PRDM10: variants seen among roughly 807,000 people sequenced by gnomAD.
PRDM10 encodes PR domain zinc finger protein 10.
A neutral mutation model predicts 133.1 loss-of-function variants in PRDM10; 65 were observed. That is an observed-to-expected ratio of 0.49 (90% CI 0.40 to 0.60). The LOEUF (loss-of-function observed/expected upper bound fraction) is 0.60, where lower values mean the gene tolerates loss of function less well. Ranked by LOEUF, PRDM10 falls within the 20% of genes least tolerant of loss-of-function variation. The pLI, the probability that PRDM10 is intolerant of heterozygous loss-of-function variation, is 0.00. For synonymous variants in PRDM10, 582 were observed against 580.4 expected, an observed-to-expected ratio of 1.00 and a Z score of -0.04; for missense variants, 1,137 against 1,507.1, an observed-to-expected ratio of 0.75 and a Z score of 4.07.
intron 1 of PRDM10, among the ~76,000 whole-genome samples, chr11:129,965,794 A>G (rs1951895767): frequency 6.6e-6 from 1 of 152,022 alleles, no homozygotes; most frequent in African/African-American, 2.4e-5. Context: ...TGCAGCTTCT[A>G]GTCTAGTTGT....
intron 11 of PRDM10, chr11:129,929,510 A>T: frequency 8.5e-7 from 1 of 1,181,528 alleles, no homozygotes. Context: ...ACCAATCTGG[A>T]TAGAAAAGAT....
At chr11:129,910,068 G>A (rs1439468781) in intron 19 of PRDM10, among the ~76,000 whole-genome samples, 1 of 152,222 alleles carries the variant, frequency 6.6e-6, no homozygotes, top group East Asian at 1.9e-4. Flanking sequence ...AGAGCTTAAT[G>A]AAAGCTGGTT....
intron 19 of PRDM10, 120 bp from the exon 20 acceptor site, chr11:129,905,861 T>C (rs1950000539): frequency 1.2e-6 from 1 of 818,436 alleles, no homozygotes; most frequent in South Asian, 1.5e-5. Flanking sequence ...AGTCTCACAA[T>C]GATGTGATTT....
Position 129,963,382 on chromosome 11 carries a change from GAGAGAAGAGAAGAGA to G in PRDM10, c.-118-2315_-118-2301del, listed in dbSNP as rs200446357. Among the ~76,000 whole-genome samples the G allele has an allele frequency of 2.0e-3, 150 of 74,638 alleles. 2 individuals carry two copies. Among genetic ancestry groups the G allele is most frequent in the South Asian group, 0.017 (34 of 2,012 alleles). 49.0% of individuals were successfully genotyped at this position (74,638 alleles called of 152,430 possible). On this transcript the variant is annotated intron_variant, in intron 1 of 20. Transcript: ENST00000360871. ...AGAGAGACCCTGCTGAAAGAAAAAA[GAGAGAAGAGAAGAGA>G]AGAGAAGAGAAGAGAAGAGAAGAGA...
chr11:129,965,109 T>C (rs1298428926), intron 1 of PRDM10, among the ~76,000 whole-genome samples: 1 of 152,108 alleles, frequency 6.6e-6, no homozygotes, highest in Non-Finnish European at 1.5e-5. Flanking sequence ...CCTGAGGATT[T>C]GTCAGCAAGT....
At chr11:129,946,591 G>A (rs972263966) in intron 5 of PRDM10, among the ~76,000 whole-genome samples, 9 of 152,170 alleles carry the variant, frequency 5.9e-5, no homozygotes, top group African/African-American at 1.4e-4. Context: ...GGGCGCTGCC[G>A]AGGGGCCAGA....
rs1937731744 is a variant in PRDM10, at chr11:129,975,880, T to G, written c.-118-14798A>C. On this transcript the variant is annotated intron_variant, in intron 1 of 20. Transcript: ENST00000360871. ...CAATCAATAGCAGTGACTGCTGTTA[T>G]TGCCAGTGTGCTATCAAACCCCAGT... Among the ~76,000 whole-genome samples, 6 of 152,240 alleles carry G rather than the reference T, an allele frequency of 3.9e-5. No individual in the cohort carries two copies. The South Asian group carries it at 1.2e-3, about 32-fold the overall frequency.
intron 18 of PRDM10, among the ~76,000 whole-genome samples, chr11:129,911,446 G>A (rs1240085478): frequency 6.6e-6 from 1 of 152,206 alleles, no homozygotes; most frequent in African/African-American, 2.4e-5. Context: ...GCGCTCTCCA[G>A]CCTGCCACAC....
rs1485041842 is a variant in PRDM10 at position 129,932,125 on chromosome 11, C to T, written c.1264G>A (p.Glu422Lys). ...ACCTGTGTCCCATCGTCACTCTTTTCCCCATTTTCGCTGGTGATTTCCAGG... is the reference window on the plus strand; with the variant it reads ...ACCTGTGTCCCATCGTCACTCTTTTTCCCATTTTCGCTGGTGATTTCCAGG... ...IRLEITSENG[E>K]KSDDGTQDLL... Residue 422 changes from glutamate to lysine, a missense_variant, in exon 10 of 21, where the codon GAA (glutamate) becomes AAA (lysine). This residue lies in a region of PRDM10 where 635 missense variants were observed against 835.2 expected (regional missense o/e 0.76). Coordinates refer to ENST00000360871, the MANE Select transcript of PRDM10 (RefSeq NM_199437.2). 1 of 1,614,100 alleles carries T rather than the reference C, an allele frequency of 6.2e-7. No individual in the cohort carries two copies. The highest frequency in any genetic ancestry group is 1.7e-5 in the Admixed American group (1 of 60,004).
At chr11:129,908,556 G>A (rs1327683498) in intron 19 of PRDM10, among the ~76,000 whole-genome samples, 1 of 152,222 alleles carries the variant, frequency 6.6e-6, no homozygotes, top group Non-Finnish European at 1.5e-5. Flanking sequence ...TGGAGGATGG[G>A]AGATCATGAT....
rs150057736 is a variant in PRDM10 at position 129,997,494 on chromosome 11, G to GA, written c.-119+5227dup. ...GGGCCTTTCTCAAAAAACAGAAAAG[G>GA]AAAAAAAAAAGACAGTTCTTTCACG... On this transcript the variant is annotated intron_variant, in intron 1 of 20. Coordinates refer to ENST00000360871, the MANE Select transcript of PRDM10 (RefSeq NM_199437.2). Among the ~76,000 whole-genome samples the GA allele has an allele frequency of 6.0e-3, 854 of 142,706 alleles. 8 individuals are homozygous for GA. The highest frequency in any genetic ancestry group is 0.022 in the African/African-American group (792 of 35,810). 93.6% of individuals were successfully genotyped at this position (142,706 alleles called of 152,430 possible). A position where few individuals can be genotyped will look rare whatever the true frequency, so the allele number is the denominator to read the frequency against.
chr11:129,920,887 T>C (rs111988713), intron 13 of PRDM10, among the ~76,000 whole-genome samples: 12,993 of 151,960 alleles, frequency 0.086, 601 homozygotes, highest in Admixed American at 0.13. Flanking sequence ...AACCTCCGCC[T>C]CCCGGGTTCA....
At chr11:129,940,609 T>C (rs527297563) in intron 7 of PRDM10, among the ~76,000 whole-genome samples, 29 of 152,340 alleles carry the variant, frequency 1.9e-4, no homozygotes, top group African/African-American at 7.0e-4. Context: ...ATGTGCAGAT[T>C]TGTTACATAG....
At chr11:129,981,907 T>C (rs776845499) in intron 1 of PRDM10, among the ~76,000 whole-genome samples, 1 of 151,712 alleles carries the variant, frequency 6.6e-6, no homozygotes, top group African/African-American at 2.4e-5. Flanking sequence ...AAAAAAAGTA[T>C]AATAAATAAA....
intron 1 of PRDM10, among the ~76,000 whole-genome samples, chr11:129,977,955 C>G (rs537571354): frequency 7.9e-5 from 11 of 139,406 alleles, no homozygotes; most frequent in Non-Finnish European, 1.3e-4. Flanking sequence ...AGTGAGAGAC[C>G]CTGTCTTTAA....
intron 11 of PRDM10, 90 bp from the exon 12 acceptor site, chr11:129,925,319 T>G: frequency 1.6e-6 from 2 of 1,228,028 alleles, no homozygotes; most frequent in Non-Finnish European, 2.2e-6. Context: ...GGATGATCTC[T>G]GCAATCACAG....
chr11:129,947,393 G>C lies in PRDM10; in HGVS notation c.295-23C>G, dbSNP rs778845242. 4 of 1,613,738 alleles carry C rather than the reference G, an allele frequency of 2.5e-6. No individual in the cohort carries two copies. The highest frequency in any genetic ancestry group is 3.4e-6 in the Non-Finnish European group (4 of 1,179,752). ...GGCCTGGGCAAAAGTTGAAGGCACA[G>C]AGTAAGCAGACATGGACACCTGCTT... On this transcript the variant is annotated intron_variant, in intron 4 of 20. Coordinates refer to ENST00000360871, the MANE Select transcript of PRDM10 (RefSeq NM_199437.2). This position sits in a 1 kb window ranked among gnomAD's most constrained non-coding sequence, Gnocchi z 4.6.
chr11:129,909,316 G>A (rs897661389), intron 19 of PRDM10, among the ~76,000 whole-genome samples: 1 of 151,840 alleles, frequency 6.6e-6, no homozygotes, highest in Non-Finnish European at 1.5e-5. Flanking sequence ...TGGGCGTGGT[G>A]GCGGGTGCCT....
Position 129,907,974 on chromosome 11 carries a change from G to C in PRDM10, c.3164-2233C>G, listed in dbSNP as rs561600448. 4.6e-5 allele frequency among the ~76,000 whole-genome samples: 7 copies of C among 151,236 alleles called. No homozygotes were observed. The East Asian group carries it at 1.5e-3, about 32-fold the overall frequency. ...GAATTAGCCAAACATGGTGGTATGT[G>C]CCTGTAGTCCTAGCTACTGGGAGGC... On this transcript the variant is annotated intron_variant, in intron 19 of 20. Transcript: ENST00000360871.
Sources: gnomAD v4.1 joint callset for allele counts (sites outside exome capture counted in the v4.1 genomes callset) on GRCh38, gnomAD v4.1.1 for gene constraint, gnomAD v4.1.1 regional missense constraint, Gnocchi (gnomAD v3.1) non-coding constraint, MANE v1.5 for transcripts, NCBI Gene and HGNC (gene_info 2026-07-23, HGNC 2026-07-21) for gene names.